Variants in SHISA6 observed in about 807,000 individuals in gnomAD.
SHISA6 encodes protein shisa-6.
SHISA6 carries 22 observed loss-of-function variants against 47.9 expected under a neutral mutation model. The ratio of observed to expected loss-of-function variants is 0.46; its 90% CI spans 0.33 to 0.66. The LOEUF (loss-of-function observed/expected upper bound fraction) is 0.66, where lower values mean the gene tolerates loss of function less well. Ranked by LOEUF, SHISA6 falls within the 30% of genes least tolerant of loss-of-function variation. SHISA6 has a pLI of 0.02. For synonymous variants in SHISA6, 388 were observed against 337.8 expected, an observed-to-expected ratio of 1.15 and a Z score of -1.63; for missense variants, 680 against 764.6, an observed-to-expected ratio of 0.89 and a Z score of 1.30.
chr17:11,280,651 C>T (rs1909086349), intron 2 of SHISA6, among the ~76,000 whole-genome samples: 1 of 152,200 alleles, frequency 6.6e-6, no homozygotes, highest in Admixed American at 6.5e-5. Flanking sequence ...TGACTATGAC[C>T]TTTAAGGGTA....
At chr17:11,285,949 G>C (rs1457925308) in intron 2 of SHISA6, among the ~76,000 whole-genome samples, 1 of 151,454 alleles carries the variant, frequency 6.6e-6, no homozygotes, top group East Asian at 1.9e-4. Context: ...CGATTTTCCT[G>C]CCTCAGCCTC....
At chr17:11,251,899 C>A (rs1346785809) in intron 1 of SHISA6, among the ~76,000 whole-genome samples, 1 of 152,146 alleles carries the variant, frequency 6.6e-6, no homozygotes, top group Non-Finnish European at 1.5e-5. Flanking sequence ...CCTCAAGGTC[C>A]GGTTGTCACA....
intron 1 of SHISA6, among the ~76,000 whole-genome samples, chr17:11,242,608 G>A (rs1416929240): frequency 6.6e-6 from 1 of 152,138 alleles, no homozygotes; most frequent in African/African-American, 2.4e-5. Context: ...TGTTGACCAA[G>A]CACAGATGGT....
chr17:11,349,612 G>A (rs958003809), intron 2 of SHISA6, among the ~76,000 whole-genome samples: 3 of 152,200 alleles, frequency 2.0e-5, no homozygotes, highest in Admixed American at 6.5e-5. Context: ...CACAGTTGGG[G>A]ATGGGGGACG....
At chr17:11,365,828 A>T (rs1346898430) in intron 2 of SHISA6, among the ~76,000 whole-genome samples, 2 of 152,216 alleles carry the variant, frequency 1.3e-5, no homozygotes, top group Non-Finnish European at 2.9e-5. Context: ...CATGCCCTTG[A>T]TGAAAATACA....
At chr17:11,348,448 G>C (rs142457213) in intron 2 of SHISA6, among the ~76,000 whole-genome samples, 101 of 152,162 alleles carry the variant, frequency 6.6e-4, no homozygotes, top group African/African-American at 2.4e-3. Context: ...AACGGCACTT[G>C]TCACCCTCTA....
chr17:11,405,951 T>C (rs1325764187), intron 3 of SHISA6, among the ~76,000 whole-genome samples: 1 of 152,242 alleles, frequency 6.6e-6, no homozygotes, highest in Non-Finnish European at 1.5e-5. Context: ...TCCAGGCAGC[T>C]GCACTGCATA....
intron 2 of SHISA6, among the ~76,000 whole-genome samples, chr17:11,273,428 C>T (rs1305188985): frequency 6.6e-6 from 1 of 152,234 alleles, no homozygotes; most frequent in African/African-American, 2.4e-5. Context: ...CAGGCGTTCT[C>T]CTGATGTGAG....
chr17:11,410,970 A>T (rs1358285474), intron 3 of SHISA6, among the ~76,000 whole-genome samples: 1 of 151,840 alleles, frequency 6.6e-6, no homozygotes, highest in Admixed American at 6.6e-5. Flanking sequence ...TTATTTTTTT[A>T]TTATTTTTAT....
chr17:11,277,266 TCTCTCTCTCTCTCTCACACACA>T (rs1908941251), intron 2 of SHISA6, among the ~76,000 whole-genome samples: 3 of 109,728 alleles, frequency 2.7e-5, no homozygotes, highest in African/African-American at 1.1e-4. Context: ...TCTCTCTCTC[TCTCTCTCTCTCTCTCACACACA>T]CACACACACA....
chr17:11,490,995 A>C (rs1916461263), intron 3 of SHISA6, among the ~76,000 whole-genome samples: 2 of 147,518 alleles, frequency 1.4e-5, no homozygotes, highest in South Asian at 4.3e-4. Flanking sequence ...GCCCAATCTC[A>C]GCCTCCCTGA....
chr17:11,452,600 C>T lies in SHISA6; in HGVS notation c.895+73091C>T, dbSNP rs1053140419. On this transcript the variant is annotated intron_variant, in intron 3 of 5. Coordinates refer to ENST00000441885, the MANE Select transcript of SHISA6 (RefSeq NM_207386.4). The stretch of plus-strand genomic sequence containing the variant: ...GTTGGCACTGAATCTCACAGCATTC[C>T]TTCCTTCTTGTCCACTTTTCATCTT... Among the ~76,000 whole-genome samples the T allele has an allele frequency of 2.6e-5, 4 of 151,948 alleles. 1 individual carries two copies. Among genetic ancestry groups the T allele is most frequent in the Non-Finnish European group, 5.9e-5 (4 of 67,984 alleles).
At position 11,547,835 on chromosome 17, in the gene SHISA6, C is replaced by T. The variant is rs35348076; in HGVS notation, c.896-4061C>T. On this transcript the variant is annotated intron_variant, in intron 3 of 5. Transcript: ENST00000441885. ...TGACACAGAAGATTAAGAAGAAAAG[C>T]GATCCAAGTTCATATATGAAGATTT... Among the ~76,000 whole-genome samples, 1,298 of 152,090 alleles carry T rather than the reference C, an allele frequency of 8.5e-3. 12 individuals are homozygous for T. Among genetic ancestry groups the T allele is most frequent in the Non-Finnish European group, 0.015 (1,013 of 67,980 alleles).
At chr17:11,500,819 A>G (rs2071446254) in intron 3 of SHISA6, among the ~76,000 whole-genome samples, 1 of 152,118 alleles carries the variant, frequency 6.6e-6, no homozygotes, top group Admixed American at 6.6e-5. Context: ...TTGGACATAG[A>G]TGGATTATGG....
chr17:11,454,897 C>T (rs762368288), intron 3 of SHISA6, among the ~76,000 whole-genome samples: 16 of 152,086 alleles, frequency 1.1e-4, no homozygotes, highest in African/African-American at 2.9e-4. Context: ...GGGCTGGGCA[C>T]GGTAGCTCAT....
intron 2 of SHISA6, among the ~76,000 whole-genome samples, chr17:11,269,174 T>G (rs1908547302): frequency 6.6e-6 from 1 of 152,106 alleles, no homozygotes; most frequent in Non-Finnish European, 1.5e-5. Context: ...CCCAAGTAGC[T>G]GGGACTACAG....
rs1482886395 is a variant in SHISA6, at chr17:11,241,827, G to C, written c.405G>C (p.Glu135Asp). The C allele has an allele frequency of 6.4e-7, 1 of 1,551,068 alleles. No individual in the cohort carries two copies. The highest frequency in any genetic ancestry group is 1.4e-5 in the African/African-American group (1 of 73,188). ...YYRFCCKKRH[E>D]KLDQRQCTNY... ...GCTTCTGCTGCAAGAAGCGCCACGA[G>C]AAGCTGGACCAGCGCCAGTGCACCA... The change falls in exon 1 of 6, where the codon GAG (glutamate) becomes GAC (aspartate). Residue 135 changes from glutamate (E) to aspartate (D), a missense_variant. Transcript: ENST00000441885. This position sits in a 1 kb window ranked among gnomAD's most constrained non-coding sequence, Gnocchi z 5.5.
At chr17:11,304,542 A>T (rs1305991026) in intron 2 of SHISA6, among the ~76,000 whole-genome samples, 1 of 151,952 alleles carries the variant, frequency 6.6e-6, no homozygotes, top group African/African-American at 2.4e-5. Context: ...GAGAAAGGGT[A>T]TTTTGCCAGC....
intron 3 of SHISA6, among the ~76,000 whole-genome samples, chr17:11,390,451 G>C (rs78188313): frequency 0.03 from 4,626 of 152,238 alleles, 190 homozygotes; most frequent in African/African-American, 0.092. Context: ...ATGATGCACA[G>C]ACCAGCCATT....
Sources: allele counts gnomAD v4.1 joint callset (sites outside exome capture counted in the v4.1 genomes callset), GRCh38; gene constraint gnomAD v4.1.1; non-coding constraint Gnocchi (gnomAD v3.1); transcripts MANE v1.5; gene names NCBI Gene and HGNC (gene_info 2026-07-23, HGNC 2026-07-21).